Variants in MTFMT observed in about 807,000 individuals in gnomAD.
MTFMT encodes methionyl-tRNA formyltransferase, mitochondrial.
A neutral mutation model predicts 51.8 loss-of-function variants in MTFMT; 47 were observed. That is an observed-to-expected ratio of 0.91 (90% CI 0.72 to 1.16). The LOEUF (loss-of-function observed/expected upper bound fraction) is 1.16, where lower values mean the gene tolerates loss of function less well. Among genes scored for constraint, MTFMT ranks in the 50% most tolerant of loss-of-function variants. The pLI is 0.00. For missense variants in MTFMT, 512 were observed against 482.3 expected (o/e 1.06, Z -0.58); for synonymous variants, 196 against 176.7 (o/e 1.11, Z -0.87).
intron 7 of MTFMT, among the ~76,000 whole-genome samples, chr15:65,005,154 C>A (rs191574149): frequency 4.7e-4 from 71 of 152,292 alleles, no homozygotes; most frequent in African/African-American, 1.6e-3. Flanking sequence ...ACATACAAAG[C>A]TATAATTCCT....
chr15:65,018,478 C>A (rs2086342802), intron 5 of MTFMT, among the ~76,000 whole-genome samples: 1 of 152,062 alleles, frequency 6.6e-6, no homozygotes, highest in Non-Finnish European at 1.5e-5. Flanking sequence ...GAATCATAAA[C>A]AATATGAGCT....
chr15:65,012,541 G>A lies in MTFMT; in HGVS notation c.813+3895C>T, dbSNP rs1056773489. Among the ~76,000 whole-genome samples, 25 of 151,958 alleles carry A rather than the reference G, an allele frequency of 1.6e-4. No individual in the cohort carries two copies. In the South Asian group the frequency reaches 2.7e-3, roughly 16 times the overall value. ...CTCCTGAGTAGCTGGGACTACAAGC[G>A]TGCACCACCATATCTGGCTAATTTT... On this transcript the variant is annotated intron_variant, in intron 6 of 8. Coordinates refer to ENST00000220058, the MANE Select transcript of MTFMT (RefSeq NM_139242.4).
Position 65,020,207 on chromosome 15 carries a change from C to T in MTFMT, c.711G>A (p.Gly237=). ...GCAGCCTTCACTCACCGTAAGTCGCCCCCTCCATTGGCTGCTGCCTTCCAT... is the reference window on the plus strand; with the variant it reads ...GCAGCCTTCACTCACCGTAAGTCGCTCCCTCCATTGGCTGCTGCCTTCCAT... ...LSNGRQQPME[G]ATYAPKISAG... Residue 237 remains glycine, a synonymous_variant, in exon 5 of 9, where the codon GGG becomes GGA. Coordinates refer to ENST00000220058, the MANE Select transcript of MTFMT (RefSeq NM_139242.4). The T allele has an allele frequency of 6.2e-7, 1 of 1,612,672 alleles. No homozygotes were observed. The highest frequency in any genetic ancestry group is 1.3e-5 in the African/African-American group (1 of 74,764).
Position 65,023,751 on chromosome 15 carries a change from C to T in MTFMT, c.463G>A (p.Gly155Ser). 6.2e-7 allele frequency: 1 copy of T among 1,613,242 alleles called. No individual in the cohort carries two copies. ...VHPSCLPRWRGPAPVIHTVLH... is the reference protein window; with the variant it reads ...VHPSCLPRWRSPAPVIHTVLH... ...ACTGTATGGATTACAGGGGCTGGGCCACGCCATCTCGGGAGGCAACTGGGA... is the reference window on the plus strand; with the variant it reads ...ACTGTATGGATTACAGGGGCTGGGCTACGCCATCTCGGGAGGCAACTGGGA... The change falls in exon 3 of 9, where the codon GGC (glycine) becomes AGC (serine). Residue 155 changes from glycine to serine, a missense_variant. Transcript: ENST00000220058.
At chr15:65,023,032 A>ACT (rs2086388675) in intron 3 of MTFMT, among the ~76,000 whole-genome samples, 1 of 151,482 alleles carries the variant, frequency 6.6e-6, no homozygotes, top group African/African-American at 2.4e-5. Context: ...TGTCTCATCT[A>ACT]CTCTCTCTCT....
At position 65,029,619 on chromosome 15, in the gene MTFMT, C is replaced by A. The variant is rs969470971; in HGVS notation, c.-6G>T. The A allele has an allele frequency of 3.1e-5, 42 of 1,367,280 alleles. No homozygotes were observed. In the African/African-American group the frequency reaches 6.1e-4, roughly 20 times the overall value. The allele number at this position is 1,367,280 out of a possible 1,614,324, so 84.7% of individuals were successfully genotyped here. On this transcript the variant is annotated 5_prime_UTR_variant, in exon 1 of 9. Transcript: ENST00000220058. ...CGCCGCACCAACACCCTCATCGCCTCGGCCGCCGGCGGCCGGCCCTGCGCA... is the reference window on the plus strand; with the variant it reads ...CGCCGCACCAACACCCTCATCGCCTAGGCCGCCGGCGGCCGGCCCTGCGCA...
chr15:65,003,106 T>G lies in MTFMT; in HGVS notation c.1126A>C (p.Lys376Gln). ...RFQTLRLPTK[K>Q]KQKKTVAMQQ... ...ATAGCAACAGTTTTTTTCTGCTTCT[T>G]CTTTGTTGGAAGTCTGAGAGTCTGA... Residue 376 changes from lysine (K) to glutamine (Q), a missense_variant, in exon 9 of 9, where the codon AAG (lysine) becomes CAG (glutamine). Transcript: ENST00000220058. The G allele has an allele frequency of 6.2e-7, 1 of 1,610,462 alleles. No individual in the cohort carries two copies. The highest frequency in any genetic ancestry group is 8.5e-7 in the Non-Finnish European group (1 of 1,178,014).
At chr15:65,020,866 C>T (rs2086368193) in intron 4 of MTFMT, among the ~76,000 whole-genome samples, 1 of 152,132 alleles carries the variant, frequency 6.6e-6, no homozygotes, top group South Asian at 2.1e-4. Context: ...AGAACACAAG[C>T]CAATGTTCAA....
At chr15:65,017,635 A>G (rs1441930132) in intron 5 of MTFMT, among the ~76,000 whole-genome samples, 2 of 152,188 alleles carry the variant, frequency 1.3e-5, no homozygotes, top group Non-Finnish European at 2.9e-5. Context: ...TTGTCTCTAC[A>G]ACAAATTAAA....
At chr15:65,003,292 G>T (rs1283953230) in intron 8 of MTFMT, 36 bp from the exon 9 acceptor site, 2 of 1,531,586 alleles carry the variant, frequency 1.3e-6, no homozygotes, top group Non-Finnish European at 1.8e-6. Context: ...ATAGGCAGGG[G>T]TGGCAAAACT....
At chr15:65,015,017 A>G (rs552077856) in intron 6 of MTFMT, among the ~76,000 whole-genome samples, 66 of 151,266 alleles carry the variant, frequency 4.4e-4, no homozygotes, top group Non-Finnish European at 8.0e-4. Flanking sequence ...TGCTTGACAC[A>G]TAATAGGCCT....
intron 7 of MTFMT, among the ~76,000 whole-genome samples, chr15:65,005,422 G>A (rs528122366): frequency 1.9e-4 from 29 of 152,100 alleles, no homozygotes; most frequent in Non-Finnish European, 3.5e-4. Flanking sequence ...TGGACTTGTG[G>A]CATGAAGTAT....
chr15:65,027,987 A>G (rs893943051), intron 1 of MTFMT, among the ~76,000 whole-genome samples: 2 of 152,222 alleles, frequency 1.3e-5, no homozygotes, highest in African/African-American at 2.4e-5. Flanking sequence ...TACCTGCTGC[A>G]TAGCATTCTA....
chr15:65,029,460 AGAGCACCC>A lies in MTFMT; in HGVS notation c.146_153del (p.Arg49LeufsTer58), dbSNP rs587777417. ...CGGGCGAACTGGTCCGTGCCGAAGAAGAGCACCCGCCAGGGAGGCTTCTCGCGGACTCT... is the reference window on the plus strand; with the variant it reads ...CGGGCGAACTGGTCCGTGCCGAAGAAGCCAGGGAGGCTTCTCGCGGACTCT... On this transcript the variant is annotated frameshift_variant, in exon 1 of 9. Coordinates refer to ENST00000220058, the MANE Select transcript of MTFMT (RefSeq NM_139242.4). LOFTEE classifies it high-confidence loss of function. The A allele has an allele frequency of 4.6e-6, 7 of 1,531,842 alleles. No homozygotes were observed. The highest frequency in any genetic ancestry group is 6.1e-6 in the Non-Finnish European group (7 of 1,141,580). 94.9% of individuals were successfully genotyped at this position (1,531,842 alleles called of 1,614,324 possible).
chr15:65,014,175 T>C (rs2086295508), intron 6 of MTFMT, among the ~76,000 whole-genome samples: 1 of 152,188 alleles, frequency 6.6e-6, no homozygotes, highest in Non-Finnish European at 1.5e-5. Flanking sequence ...TTCTCTGTTC[T>C]AGGCATGGCT....
At chr15:65,025,324 G>A (rs1383581809) in intron 2 of MTFMT, among the ~76,000 whole-genome samples, 1 of 151,272 alleles carries the variant, frequency 6.6e-6, no homozygotes, top group Non-Finnish European at 1.5e-5. Context: ...AAGATCCCTT[G>A]AGTCTGGGGC....
chr15:65,025,466 T>G (rs948663164), intron 2 of MTFMT, among the ~76,000 whole-genome samples: 49 of 152,160 alleles, frequency 3.2e-4, no homozygotes, highest in African/African-American at 1.2e-3. Context: ...GGTAAAAGAC[T>G]GAGAGGGCCA....
chr15:65,014,322 A>ATTTTTTT (rs35599676), intron 6 of MTFMT, among the ~76,000 whole-genome samples: 4 of 123,084 alleles, frequency 3.2e-5, no homozygotes, highest in African/African-American at 6.0e-5. Flanking sequence ...ACACTATTTG[A>ATTTTTTT]TTTTTTTTTT....
chr15:65,028,294 T>C (rs2086445226), intron 1 of MTFMT, among the ~76,000 whole-genome samples: 1 of 152,156 alleles, frequency 6.6e-6, no homozygotes, highest in South Asian at 2.1e-4. Flanking sequence ...TGCACGCCCG[T>C]AGTCCTAGCT....
Sources: allele counts gnomAD v4.1 joint callset (sites outside exome capture counted in the v4.1 genomes callset), GRCh38; gene constraint gnomAD v4.1.1; transcripts MANE v1.5; gene names NCBI Gene and HGNC (gene_info 2026-07-23, HGNC 2026-07-21).